The following NPAS3 variants were observed in gnomAD, a reference collection of about 807,000 sequenced individuals.
The protein encoded by NPAS3 is neuronal PAS domain-containing protein 3.
A neutral mutation model predicts 73.1 loss-of-function variants in NPAS3; 14 were observed. The ratio of observed to expected loss-of-function variants is 0.19; its 90% CI spans 0.13 to 0.30. The LOEUF is 0.30. Among genes scored for constraint, NPAS3 ranks in the 10% least tolerant of loss-of-function variants. NPAS3 has a pLI of 1.00. For synonymous variants in NPAS3, 620 were observed against 541.5 expected (o/e 1.14, Z -2.01); for missense variants, 1,096 against 1,250.0 (o/e 0.88, Z 1.86).
chr14:33,648,379 C>T (rs2058895116), intron 5 of NPAS3, among the ~76,000 whole-genome samples: 1 of 152,148 alleles, frequency 6.6e-6, no homozygotes, highest in Admixed American at 6.6e-5. Context: ...AATTGTGTCA[C>T]TTTTTGAAAA....
intron 3 of NPAS3, among the ~76,000 whole-genome samples, chr14:33,337,022 C>T (rs1484998050): frequency 6.6e-6 from 1 of 152,108 alleles, no homozygotes; most frequent in Non-Finnish European, 1.5e-5. Flanking sequence ...TTTCCCCAGT[C>T]TGTGGCTTGT....
chr14:33,162,398 C>T (rs35036168), intron 2 of NPAS3, among the ~76,000 whole-genome samples: 11,334 of 152,220 alleles, frequency 0.074, 586 homozygotes, highest in Non-Finnish European at 0.12. Context: ...ATGCGTTTCA[C>T]ACTGATGAGG....
In NPAS3 at chr14:32,965,621, T is replaced by C. The variant is rs555078804; in HGVS notation, c.50+26255T>C. 2.4e-3 allele frequency among the ~76,000 whole-genome samples: 360 copies of C among 152,252 alleles called. 5 individuals are homozygous for C. In the South Asian group the frequency reaches 0.029, roughly 12 times the overall value. On this transcript the variant is annotated intron_variant, in intron 1 of 11. Transcript: ENST00000356141. ...AACATCGTACTGAATGGGGAAAAAT[T>C]GAAACCTTTCTCTCTAAAAATCTGG...
chr14:33,140,310 CAGAA>C (rs1361926593), intron 2 of NPAS3, among the ~76,000 whole-genome samples: 10 of 151,992 alleles, frequency 6.6e-5, no homozygotes, highest in Non-Finnish European at 1.3e-4. Context: ...CTCTTGTTGA[CAGAA>C]AGTAAGGGGA....
At chr14:33,557,532 T>C (rs1286292009) in intron 4 of NPAS3, among the ~76,000 whole-genome samples, 1 of 152,208 alleles carries the variant, frequency 6.6e-6, no homozygotes. Context: ...AATTTACACA[T>C]GTCAATTAGA....
At chr14:33,453,100 A>G (rs2049875978) in intron 4 of NPAS3, among the ~76,000 whole-genome samples, 2 of 152,264 alleles carry the variant, frequency 1.3e-5, no homozygotes, top group African/African-American at 4.8e-5. Flanking sequence ...TGAGCCAGGC[A>G]GGCTCCAAGC....
intron 3 of NPAS3, among the ~76,000 whole-genome samples, chr14:33,300,273 A>G (rs1443450298): frequency 6.6e-6 from 1 of 152,224 alleles, no homozygotes; most frequent in East Asian, 1.9e-4. Flanking sequence ...TCTAAGTATT[A>G]CAGTCTGAGG....
At chr14:33,158,260 G>A (rs1470776506) in intron 2 of NPAS3, among the ~76,000 whole-genome samples, 1 of 152,154 alleles carries the variant, frequency 6.6e-6, no homozygotes, top group Non-Finnish European at 1.5e-5. Flanking sequence ...TTTAGGCCCA[G>A]CCTGGGAACT....
intron 4 of NPAS3, among the ~76,000 whole-genome samples, chr14:33,375,106 A>T (rs1368549285): frequency 6.6e-6 from 1 of 152,286 alleles, no homozygotes; most frequent in Non-Finnish European, 1.5e-5. Flanking sequence ...GCTGGACATC[A>T]GTGCTAACGT....
intron 3 of NPAS3, among the ~76,000 whole-genome samples, chr14:33,310,047 T>G (rs1034906517): frequency 8.5e-5 from 13 of 152,140 alleles, no homozygotes; most frequent in African/African-American, 3.1e-4. Flanking sequence ...AAGAAAGAAA[T>G]GTAGCCATAA....
rs1354381480 is a variant in NPAS3, at chr14:33,191,543, A to G, written c.141-23639A>G. On this transcript the variant is annotated intron_variant, in intron 2 of 11. Coordinates refer to ENST00000356141, the Ensembl canonical transcript of NPAS3. ...GCACCTGGAAAACCACTACACTTCTATGGATCTGGAGATCAGCACTAGATG... is the reference window on the plus strand; with the variant it reads ...GCACCTGGAAAACCACTACACTTCTGTGGATCTGGAGATCAGCACTAGATG... Among the ~76,000 whole-genome samples the G allele has an allele frequency of 6.6e-5, 10 of 152,226 alleles. No individual in the cohort carries two copies. In the South Asian group the frequency reaches 1.7e-3, roughly 25 times the overall value.
intron 2 of NPAS3, among the ~76,000 whole-genome samples, chr14:33,203,492 C>T (rs1020880312): frequency 4.6e-5 from 7 of 152,090 alleles, no homozygotes; most frequent in African/African-American, 1.4e-4. Context: ...CCACAACAGG[C>T]CCCGGTGTGT....
chr14:33,734,247 G>C (rs1276253803), intron 6 of NPAS3, among the ~76,000 whole-genome samples: 1 of 151,920 alleles, frequency 6.6e-6, no homozygotes, highest in Non-Finnish European at 1.5e-5. Context: ...GTATAAATTA[G>C]AGTATTTGTT....
chr14:33,203,882 C>T (rs1289384788), intron 2 of NPAS3, among the ~76,000 whole-genome samples: 1 of 152,092 alleles, frequency 6.6e-6, no homozygotes, highest in Non-Finnish European at 1.5e-5. Flanking sequence ...GTTCTAGATC[C>T]CTGAGGAATC....
chr14:32,999,085 AG>A (rs1380507617), intron 1 of NPAS3, among the ~76,000 whole-genome samples: 3 of 152,158 alleles, frequency 2.0e-5, no homozygotes, highest in African/African-American at 7.2e-5. Context: ...ACAGTCATTT[AG>A]TTTTTTGAAT....
At chr14:33,512,993 G>T (rs553679019) in intron 4 of NPAS3, among the ~76,000 whole-genome samples, 1 of 152,100 alleles carries the variant, frequency 6.6e-6, no homozygotes, top group South Asian at 2.1e-4. Context: ...CAATTTTGAT[G>T]CTCTTTCTCC....
intron 5 of NPAS3, among the ~76,000 whole-genome samples, chr14:33,591,112 A>G (rs1258640348): frequency 6.6e-6 from 1 of 152,144 alleles, no homozygotes; most frequent in Non-Finnish European, 1.5e-5. Flanking sequence ...ACTGTTTCTT[A>G]AGTGCAGCCA....
At chr14:33,500,058 T>G (rs900717638) in intron 4 of NPAS3, among the ~76,000 whole-genome samples, 2 of 151,836 alleles carry the variant, frequency 1.3e-5, no homozygotes, top group Non-Finnish European at 2.9e-5. Flanking sequence ...TATGAAACGG[T>G]AGCTTTAGGG....
At chr14:33,757,484 A>G (rs568030228) in intron 7 of NPAS3, among the ~76,000 whole-genome samples, 2 of 152,252 alleles carry the variant, frequency 1.3e-5, no homozygotes, top group East Asian at 3.9e-4. Context: ...AAGATACTCT[A>G]GGAAGATGAA....
Sources: allele counts gnomAD v4.1 joint callset (sites outside exome capture counted in the v4.1 genomes callset), GRCh38; gene constraint gnomAD v4.1.1; transcripts MANE v1.5; gene names NCBI Gene and HGNC (gene_info 2026-07-23, HGNC 2026-07-21).